IGF2R: variants seen among roughly 807,000 people sequenced by gnomAD.
IGF2R encodes the protein insulin like growth factor 2 receptor, also known as cation-independent mannose-6-phosphate receptor.
A neutral mutation model predicts 270.6 loss-of-function variants in IGF2R; 91 were observed. The ratio of observed to expected loss-of-function variants is 0.34; its 90% CI spans 0.28 to 0.40. The LOEUF (loss-of-function observed/expected upper bound fraction) is 0.40, where lower values mean the gene tolerates loss of function less well. IGF2R is among the 10% of genes least tolerant of loss of function. The pLI, the probability that IGF2R is intolerant of heterozygous loss-of-function variation, is 1.00. For missense variants in IGF2R, 2,805 were observed against 3,188.3 expected (o/e 0.88, Z 2.90); for synonymous variants, 1,316 against 1,258.9 (o/e 1.05, Z -0.96).
At position 160,048,378 on chromosome 6, in the gene IGF2R, G is replaced by C; in HGVS notation, c.2349G>C (p.Leu783=). The change falls in exon 18 of 48, where the codon CTG becomes CTC. Residue 783 remains leucine, a synonymous_variant. Coordinates refer to ENST00000356956, the MANE Select transcript of IGF2R (RefSeq NM_000876.4). The part of the protein sequence containing the change: ...STLEQYDLSS[L]AKSEGGLGGN... ...ACATTTTGCTTTGAAATTTTAGTCT[G>C]GCAAAATCTGAAGGTGGCCTTGGAG... 1.2e-6 allele frequency: 2 copies of C among 1,614,152 alleles called. No individual in the cohort carries two copies. Among genetic ancestry groups the C allele is most frequent in the Non-Finnish European group, 1.7e-6 (2 of 1,180,002 alleles).
At position 160,056,296 on chromosome 6, in the gene IGF2R, C is replaced by T. The variant is rs111297293; in HGVS notation, c.2695-128C>T. The T allele has an allele frequency of 1.8e-4, 123 of 679,866 alleles. 1 individual carries two copies. Among genetic ancestry groups the T allele is most frequent in the African/African-American group, 1.4e-3 (82 of 56,684 alleles). The allele number at this position is 679,866 out of a possible 1,614,324, so 42.1% of individuals were successfully genotyped here. ...TAGGTAATGCACATTAAGTGCCTAGCTTATTGGCTGACTCATAATAAACAT... is the reference window on the plus strand; with the variant it reads ...TAGGTAATGCACATTAAGTGCCTAGTTTATTGGCTGACTCATAATAAACAT... On this transcript the variant is annotated intron_variant, in intron 19 of 47. Transcript: ENST00000356956.
At chr6:159,984,292 A>T (rs1401228538) in intron 1 of IGF2R, among the ~76,000 whole-genome samples, 1 of 152,210 alleles carries the variant, frequency 6.6e-6, no homozygotes, top group African/African-American at 2.4e-5. Flanking sequence ...TCACCTAGTG[A>T]TGCTGTAGCC....
At chr6:159,972,926 T>A (rs780663038) in intron 1 of IGF2R, among the ~76,000 whole-genome samples, 2 of 152,212 alleles carry the variant, frequency 1.3e-5, no homozygotes, top group African/African-American at 2.4e-5. Flanking sequence ...ATTTTTCAAG[T>A]GTCAAGTGGA....
chr6:160,021,671 C>A (rs1410948071), intron 4 of IGF2R, among the ~76,000 whole-genome samples: 1 of 147,918 alleles, frequency 6.8e-6, no homozygotes, highest in East Asian at 2.0e-4. Context: ...AAAAACCCCA[C>A]AATGAGATAC....
Position 160,104,893 on chromosome 6 carries a change from G to T in IGF2R, c.7285G>T (p.Ala2429Ser). The T allele has an allele frequency of 9.9e-6, 16 of 1,614,140 alleles. No homozygotes were observed. The highest frequency in any genetic ancestry group is 1.3e-5 in the Non-Finnish European group (15 of 1,179,994). ...AGTTCACTCGGGCAGGGGAGCTGGGGCAGAGAGCTCCCACCCAGTGAGAAA... is the reference window on the plus strand; with the variant it reads ...AGTTCACTCGGGCAGGGGAGCTGGGTCAGAGAGCTCCCACCCAGTGAGAAA... Reference protein sequence around the residue: ...VKVHSGRGAGAESSHPVRNAQ... With the variant: ...VKVHSGRGAGSESSHPVRNAQ... Residue 2429 changes from alanine to serine, a missense_variant, in exon 48 of 48, where the codon GCA (alanine) becomes TCA (serine). Ala to Ser is a moderately conservative substitution (Grantham distance 99). Coordinates refer to ENST00000356956, the MANE Select transcript of IGF2R (RefSeq NM_000876.4).
chr6:159,977,556 C>T (rs1296050839), intron 1 of IGF2R, among the ~76,000 whole-genome samples: 1 of 152,212 alleles, frequency 6.6e-6, no homozygotes, highest in African/African-American at 2.4e-5. Flanking sequence ...TGGCCTGAGA[C>T]GGGGGATCTG....
intron 2 of IGF2R, among the ~76,000 whole-genome samples, chr6:159,991,600 G>T (rs1783980692): frequency 6.6e-6 from 1 of 151,830 alleles, no homozygotes; most frequent in African/African-American, 2.4e-5. Flanking sequence ...ATTGAAAGCT[G>T]TCTCCTAGAT....
At chr6:159,977,299 G>A (rs541658167) in intron 1 of IGF2R, among the ~76,000 whole-genome samples, 5 of 152,354 alleles carry the variant, frequency 3.3e-5, no homozygotes, top group East Asian at 1.9e-4. Flanking sequence ...ACTCCTGACC[G>A]TGCACTCTGC....
At chr6:159,991,008 T>G (rs984487244) in intron 1 of IGF2R, among the ~76,000 whole-genome samples, 176 bp from the exon 2 acceptor site, 1 of 152,240 alleles carries the variant, frequency 6.6e-6, no homozygotes, top group Non-Finnish European at 1.5e-5. Context: ...TGTTAGTAGT[T>G]TCTGCCCTGG....
intron 47 of IGF2R, 105 bp downstream of exon 47, chr6:160,103,920 T>G: frequency 1.4e-6 from 1 of 717,990 alleles, no homozygotes; most frequent in Non-Finnish European, 2.5e-6. Context: ...AGTCACAGGC[T>G]GACTGGAATC....
chr6:160,030,045 A>C (rs936371557), intron 7 of IGF2R, among the ~76,000 whole-genome samples: 2 of 152,186 alleles, frequency 1.3e-5, no homozygotes, highest in African/African-American at 4.8e-5. Flanking sequence ...TCTTATGAGA[A>C]GCCTTTCCCT....
intron 11 of IGF2R, among the ~76,000 whole-genome samples, chr6:160,041,969 G>A (rs1777956070): frequency 6.6e-6 from 1 of 151,790 alleles, no homozygotes; most frequent in Non-Finnish European, 1.5e-5. Flanking sequence ...GGTGAACTGG[G>A]TGGTGCTGTT....
chr6:159,997,123 C>G (rs1784065251), intron 2 of IGF2R, among the ~76,000 whole-genome samples: 1 of 152,226 alleles, frequency 6.6e-6, no homozygotes, highest in Non-Finnish European at 1.5e-5. Context: ...ACCCCTGTCT[C>G]CACTGCATGT....
rs8191927 is a variant in IGF2R at position 160,089,327 on chromosome 6, C to T, written c.6467+74C>T. 989 of 1,351,140 alleles carry T rather than the reference C, an allele frequency of 7.3e-4. 13 individuals are homozygous for T. In the East Asian group the frequency reaches 0.022, roughly 30 times the overall value. The allele number at this position is 1,351,140 out of a possible 1,614,324, so 83.7% of individuals were successfully genotyped here. A position where few individuals can be genotyped will look rare whatever the true frequency, so the allele number is the denominator to read the frequency against. On this transcript the variant is annotated intron_variant, in intron 43 of 47. Transcript: ENST00000356956. ...ACCAGCAATGCCGCTCTTTCCCTAT[C>T]GGGGAGCACTGCAGGATAAATAGGT... is the stretch of plus-strand genomic sequence containing the variant.
At chr6:160,089,335 A>T in intron 43 of IGF2R, 82 bp downstream of exon 43, 1 of 1,270,386 alleles carries the variant, frequency 7.9e-7, no homozygotes, top group Non-Finnish European at 1.1e-6. Context: ...ATCGGGGAGC[A>T]CTGCAGGATA....
Position 160,045,832 on chromosome 6 carries a change from T to C in IGF2R, c.1853T>C (p.Val618Ala). 1 of 1,612,044 alleles carries C rather than the reference T, an allele frequency of 6.2e-7. No individual in the cohort carries two copies. The highest frequency in any genetic ancestry group is 8.5e-7 in the Non-Finnish European group (1 of 1,178,920). Residue 618 changes from valine (V) to alanine (A), a missense_variant, in exon 14 of 48, where the codon GTG becomes GCG. Val to Ala is a moderately conservative substitution (Grantham distance 64). Transcript: ENST00000356956. ...EFEWHTAAAC[V>A]LSKTEGENCT... ...GAGTGGCACACAGCTGCGGCCTGTGTGCTGTCTAAGACAGAAGGGGAGAAC... is the reference window on the plus strand; with the variant it reads ...GAGTGGCACACAGCTGCGGCCTGTGCGCTGTCTAAGACAGAAGGGGAGAAC...
Position 160,027,224 on chromosome 6 carries a change from C to T in IGF2R, c.686C>T (p.Pro229Leu), listed in dbSNP as rs763568046. The T allele has an allele frequency of 8.1e-6, 13 of 1,614,236 alleles. No homozygotes were observed. The East Asian group carries it at 2.9e-4, about 36-fold the overall frequency. ...CCAGGTTCACAGCTGCGGGCCTGTC[C>T]CCCCGGCACTGCCGCCTGCCTGGTA... Reference protein sequence around the residue: ...RDPGSQLRACPPGTAACLVRG... With the variant: ...RDPGSQLRACLPGTAACLVRG... The change falls in exon 6 of 48, where the codon CCC becomes CTC. Residue 229 changes from proline to leucine, a missense_variant. Around this residue, in one of 2 missense-constraint regions of IGF2R, gnomAD observed 954 missense variants for 981.1 expected, o/e 0.97. Coordinates refer to ENST00000356956, the MANE Select transcript of IGF2R (RefSeq NM_000876.4).
intron 2 of IGF2R, among the ~76,000 whole-genome samples, chr6:159,994,375 T>C (rs886642895): frequency 6.6e-6 from 1 of 152,134 alleles, no homozygotes; most frequent in African/African-American, 2.4e-5. Context: ...GTCCATTGAT[T>C]ATGTTCATCT....
In IGF2R at chr6:160,097,071, G is replaced by A. The variant is rs184871350; in HGVS notation, c.6842+446G>A. 1.4e-3 allele frequency among the ~76,000 whole-genome samples: 210 copies of A among 152,310 alleles called. 2 individuals carry two copies. Among genetic ancestry groups the A allele is most frequent in the Non-Finnish European group, 1.5e-3 (99 of 68,028 alleles). ...GGTAAAGTTTCACTTTGATTTGAGT[G>A]CAGTATTTTTACTTTGATTTGAGTG... On this transcript the variant is annotated intron_variant, in intron 45 of 47. Transcript: ENST00000356956.
Sources: allele counts gnomAD v4.1 joint callset (sites outside exome capture counted in the v4.1 genomes callset), GRCh38; gene constraint gnomAD v4.1.1; regional missense constraint gnomAD v4.1.1; transcripts MANE v1.5; gene names NCBI Gene and HGNC (gene_info 2026-07-23, HGNC 2026-07-21).